Variants in TTC28 observed in about 807,000 individuals in gnomAD.
TTC28 encodes tetratricopeptide repeat domain 28.
In TTC28, 61 loss-of-function variants were observed where a neutral mutation model predicts 198.0. That is an observed-to-expected ratio of 0.31 (90% CI 0.25 to 0.38). TTC28 has a LOEUF of 0.38. Ranked by LOEUF, TTC28 falls within the 10% of genes least tolerant of loss-of-function variation. The pLI, the probability that TTC28 is intolerant of heterozygous loss-of-function variation, is 1.00. For missense variants in TTC28, 2,678 were observed against 3,164.0 expected, an observed-to-expected ratio of 0.85 and a Z score of 3.69; for synonymous variants, 1,171 against 1,297.8, an observed-to-expected ratio of 0.90 and a Z score of 2.10.
intron 8 of TTC28, among the ~76,000 whole-genome samples, chr22:28,101,782 TAAAAAAAAAAAAAAA>T (rs11459818): frequency 1.5e-4 from 8 of 53,170 alleles, no homozygotes; most frequent in African/African-American, 3.9e-4. Context: ...CCATCTCTGT[TAAAAAAAAAAAAAAA>T]AAAAAAAAAA....
At chr22:28,655,895 G>A (rs2051641136) in intron 1 of TTC28, among the ~76,000 whole-genome samples, 1 of 151,042 alleles carries the variant, frequency 6.6e-6, no homozygotes, top group Non-Finnish European at 1.5e-5. Context: ...CCTCAAAATA[G>A]GTAATGACAA....
chr22:28,521,742 C>T (rs2048913426), intron 2 of TTC28, among the ~76,000 whole-genome samples: 1 of 152,194 alleles, frequency 6.6e-6, no homozygotes, highest in Non-Finnish European at 1.5e-5. Context: ...TGACATACAG[C>T]CAGCTTTTCC....
intron 5 of TTC28, among the ~76,000 whole-genome samples, chr22:28,238,857 T>C (rs2147247174): frequency 6.6e-6 from 1 of 152,154 alleles, no homozygotes; most frequent in South Asian, 2.1e-4. Context: ...TTTCTGGAGG[T>C]CTTTCTCTTT....
chr22:28,461,357 T>C (rs2047947548), intron 2 of TTC28, among the ~76,000 whole-genome samples: 1 of 152,212 alleles, frequency 6.6e-6, no homozygotes, highest in South Asian at 2.1e-4. Flanking sequence ...TTAGACCGTA[T>C]GGTCTTGTAG....
chr22:28,534,700 T>G (rs1360451384), intron 2 of TTC28, among the ~76,000 whole-genome samples: 1 of 152,176 alleles, frequency 6.6e-6, no homozygotes, highest in Non-Finnish European at 1.5e-5. Flanking sequence ...TAAGAAAATG[T>G]GGCACATATA....
intron 2 of TTC28, among the ~76,000 whole-genome samples, chr22:28,490,050 A>T (rs1385458445): frequency 1.3e-5 from 2 of 152,116 alleles, no homozygotes; most frequent in Non-Finnish European, 2.9e-5. Context: ...AGGCCAGTCT[A>T]GTCTTTTCAC....
At chr22:28,678,168 T>C (rs1247282190) in intron 1 of TTC28, among the ~76,000 whole-genome samples, 4 of 152,190 alleles carry the variant, frequency 2.6e-5, no homozygotes, top group Non-Finnish European at 2.9e-5. Flanking sequence ...AGAATTTTGA[T>C]TCAGAATTAA....
intron 1 of TTC28, among the ~76,000 whole-genome samples, chr22:28,678,645 C>CT (rs1384993796): frequency 1.3e-5 from 2 of 152,296 alleles, no homozygotes; most frequent in East Asian, 3.9e-4. Flanking sequence ...TAAAATAAAT[C>CT]TGAGATATTA....
intron 12 of TTC28, among the ~76,000 whole-genome samples, chr22:28,088,879 A>T (rs1941716345): frequency 6.6e-6 from 1 of 152,248 alleles, no homozygotes; most frequent in Non-Finnish European, 1.5e-5. Flanking sequence ...TTCTCAGAAG[A>T]AGACATTTAT....
chr22:28,322,448 A>G (rs373702831), intron 2 of TTC28, among the ~76,000 whole-genome samples: 3 of 152,312 alleles, frequency 2.0e-5, no homozygotes, highest in African/African-American at 7.2e-5. Context: ...TACTTCCTCA[A>G]TGACTCAGGG....
At chr22:28,117,153 T>C (rs1377976417) in intron 6 of TTC28, among the ~76,000 whole-genome samples, 2 of 152,236 alleles carry the variant, frequency 1.3e-5, no homozygotes, top group Non-Finnish European at 2.9e-5. Context: ...CAGTATTCCA[T>C]GTTCTCTCTT....
intron 13 of TTC28, among the ~76,000 whole-genome samples, chr22:28,019,794 T>C (rs1601523561): frequency 2.0e-5 from 3 of 152,216 alleles, no homozygotes; most frequent in Admixed American, 6.5e-5. Context: ...TAGAGAACAG[T>C]GCTTTTCGCT....
chr22:28,162,808 G>C (rs1921367772), intron 6 of TTC28, among the ~76,000 whole-genome samples: 1 of 152,150 alleles, frequency 6.6e-6, no homozygotes. Context: ...AAAATAGCCA[G>C]GTGTACTGGC....
At chr22:28,655,536 A>T (rs557188656) in intron 1 of TTC28, among the ~76,000 whole-genome samples, 1 of 152,320 alleles carries the variant, frequency 6.6e-6, no homozygotes, top group Non-Finnish European at 1.5e-5. Flanking sequence ...TTATCAAATT[A>T]TTTCAAAAAA....
intron 1 of TTC28, among the ~76,000 whole-genome samples, chr22:28,661,390 A>G (rs2051745048): frequency 6.6e-6 from 1 of 152,206 alleles, no homozygotes; most frequent in Admixed American, 6.5e-5. Context: ...TACATTAAGT[A>G]TTAGTTTAAT....
chr22:27,998,813 G>T lies in TTC28; in HGVS notation c.4846C>A (p.Leu1616Met). 6.4e-7 allele frequency: 1 copy of T among 1,550,556 alleles called. No homozygotes were observed. The highest frequency in any genetic ancestry group is 8.7e-7 in the Non-Finnish European group (1 of 1,147,000). Residue 1616 changes from leucine (L) to methionine (M), a missense_variant, in exon 16 of 23, where the codon CTG becomes ATG. Physicochemically the swap from Leu to Met is conservative, Grantham distance 15 (BLOSUM62 2). Transcript: ENST00000397906. ...CCAAGCACCACCAGCTTCACAGGCA[G>T]CTGCAGGTCCAGGACGTCGGCGGCA... ...LTAADVLDLQ[L>M]PVKLVVLGSS...
At chr22:28,457,544 G>A (rs2047880499) in intron 2 of TTC28, among the ~76,000 whole-genome samples, 1 of 152,142 alleles carries the variant, frequency 6.6e-6, no homozygotes, top group Non-Finnish European at 1.5e-5. Flanking sequence ...ACAAGTAACA[G>A]TCACAACTTT....
chr22:28,654,260 C>G (rs1263477162), intron 1 of TTC28, among the ~76,000 whole-genome samples: 1 of 152,188 alleles, frequency 6.6e-6, no homozygotes, highest in East Asian at 1.9e-4. Context: ...CAGCTTATGC[C>G]TTCTCAGAAC....
intron 3 of TTC28, among the ~76,000 whole-genome samples, chr22:28,305,513 T>C (rs767699223): frequency 6.6e-6 from 1 of 152,234 alleles, no homozygotes; most frequent in Non-Finnish European, 1.5e-5. Context: ...AGTATAATAC[T>C]AGCCACTATA....
Sources: allele counts gnomAD v4.1 joint callset (sites outside exome capture counted in the v4.1 genomes callset), GRCh38; gene constraint gnomAD v4.1.1; transcripts MANE v1.5; gene names NCBI Gene and HGNC (gene_info 2026-07-23, HGNC 2026-07-21).